Variants in HERC1 observed in about 807,000 individuals in gnomAD.
HERC1 encodes the protein probable E3 ubiquitin-protein ligase HERC1.
In HERC1, 160 loss-of-function variants were observed where a neutral mutation model predicts 554.3. The observed-to-expected ratio is 0.29, with a 90% CI of 0.25 to 0.33. The LOEUF is 0.33. HERC1 is among the 10% of genes least tolerant of loss of function. The pLI, the probability that HERC1 is intolerant of heterozygous loss-of-function variation, is 1.00. For missense variants in HERC1, 4,919 were observed against 5,918.5 expected, an observed-to-expected ratio of 0.83 and a Z score of 5.54; for synonymous variants, 2,175 against 2,131.7, an observed-to-expected ratio of 1.02 and a Z score of -0.56.
intron 70 of HERC1, among the ~76,000 whole-genome samples, chr15:63,626,985 T>C (rs553888585): frequency 6.6e-6 from 1 of 152,260 alleles, no homozygotes; most frequent in Admixed American, 6.5e-5. Context: ...ACTCAGATCA[T>C]ATGTGGAGGA....
At position 63,727,108 on chromosome 15, in the gene HERC1, T is replaced by C. The variant is rs1255804035; in HGVS notation, c.3346+539A>G. ...CTGGCCAACATGGTGAAACCCCGTCTCTACTAAAAATACAAAAATTAGCTG... is the reference window on the plus strand; with the variant it reads ...CTGGCCAACATGGTGAAACCCCGTCCCTACTAAAAATACAAAAATTAGCTG... On this transcript the variant is annotated intron_variant, in intron 17 of 77. Coordinates refer to ENST00000443617, the MANE Select transcript of HERC1 (RefSeq NM_003922.4). This position sits in a 1 kb window ranked among gnomAD's most constrained non-coding sequence, Gnocchi z 4.3. 6.6e-6 allele frequency among the ~76,000 whole-genome samples: 1 copy of C among 152,038 alleles called. No homozygotes were observed. The highest frequency in any genetic ancestry group is 1.9e-4 in the East Asian group (1 of 5,188).
intron 5 of HERC1, among the ~76,000 whole-genome samples, chr15:63,755,686 G>C (rs1466907516): frequency 6.6e-6 from 1 of 152,100 alleles, no homozygotes; most frequent in African/African-American, 2.4e-5. Flanking sequence ...AAGCTGAGTT[G>C]GGAGGACCAC....
At chr15:63,704,119 A>C (rs909309614) in intron 25 of HERC1, among the ~76,000 whole-genome samples, 1 of 146,382 alleles carries the variant, frequency 6.8e-6, no homozygotes, top group African/African-American at 2.4e-5. Context: ...GAAAAAAAAT[A>C]CAGTCATTTA....
chr15:63,706,117 T>C (rs1460352066), intron 25 of HERC1, among the ~76,000 whole-genome samples: 1 of 151,280 alleles, frequency 6.6e-6, no homozygotes, highest in Non-Finnish European at 1.5e-5. Flanking sequence ...GGATTTACAC[T>C]ATCTAAAACT....
intron 2 of HERC1, among the ~76,000 whole-genome samples, chr15:63,765,174 G>A (rs971304690): frequency 5.0e-4 from 76 of 152,080 alleles, no homozygotes; most frequent in African/African-American, 1.7e-3. Flanking sequence ...TATCTACTGA[G>A]CGCCAGAGAA....
chr15:63,812,568 T>C (rs1174295504), intron 1 of HERC1, among the ~76,000 whole-genome samples: 1 of 152,174 alleles, frequency 6.6e-6, no homozygotes, highest in Non-Finnish European at 1.5e-5. Context: ...AACTCCCTCC[T>C]GAGAATCTCT....
At chr15:63,799,910 G>A (rs1350621639) in intron 1 of HERC1, among the ~76,000 whole-genome samples, 1 of 152,148 alleles carries the variant, frequency 6.6e-6, no homozygotes, top group Admixed American at 6.5e-5. Context: ...GATCACTTGA[G>A]GCTAGGAGTT....
In HERC1 at chr15:63,609,867, T is replaced by C. The variant is rs539295867; in HGVS notation, c.14401-601A>G. ...GGTGATGCATCATTTAAAATGATAATTATGATGACTGGCAGCAAAACAGAA... is the reference window on the plus strand; with the variant it reads ...GGTGATGCATCATTTAAAATGATAACTATGATGACTGGCAGCAAAACAGAA... On this transcript the variant is annotated intron_variant, in intron 77 of 77. Transcript: ENST00000443617. Among the ~76,000 whole-genome samples, 96 of 152,236 alleles carry C rather than the reference T, an allele frequency of 6.3e-4. 2 individuals carry two copies. The highest frequency in any genetic ancestry group is 2.2e-3 in the African/African-American group (91 of 41,520).
Position 63,662,014 on chromosome 15 carries a change from C to G in HERC1, c.8909G>C (p.Cys2970Ser). 1 of 1,610,990 alleles carries G rather than the reference C, an allele frequency of 6.2e-7. No homozygotes were observed. Among genetic ancestry groups the G allele is most frequent in the Non-Finnish European group, 8.5e-7 (1 of 1,177,316 alleles). ...EVLDWPTWHV[C>S]ESEDREEVVV... ...CACTTCTTCCCTGTCTTCAGACTCACAAACATGCTGCACAAAAGGATTTCA... is the reference window on the plus strand; with the variant it reads ...CACTTCTTCCCTGTCTTCAGACTCAGAAACATGCTGCACAAAAGGATTTCA... The change falls in exon 45 of 78, where the codon TGT (cysteine) becomes TCT (serine). Residue 2970 changes from cysteine to serine, a missense_variant. Around this residue, in one of 11 missense-constraint regions of HERC1, gnomAD observed 1,963 missense variants for 2,228.6 expected, o/e 0.88. Coordinates refer to ENST00000443617, the MANE Select transcript of HERC1 (RefSeq NM_003922.4).
intron 19 of HERC1, among the ~76,000 whole-genome samples, chr15:63,719,122 A>C (rs2073696329): frequency 2.0e-5 from 3 of 152,214 alleles, no homozygotes; most frequent in Non-Finnish European, 4.4e-5. Flanking sequence ...TGTTAGGAGG[A>C]GCAGGGTGGG....
In HERC1 at chr15:63,749,981, A is replaced by G. The variant is rs1435991665; in HGVS notation, c.1903-190T>C. ...TGCTGCCTTTAGGCATTCACTGTATAGGCAGAAAAACAGCTGATCTGAAAA... is the reference window on the plus strand; with the variant it reads ...TGCTGCCTTTAGGCATTCACTGTATGGGCAGAAAAACAGCTGATCTGAAAA... On this transcript the variant is annotated intron_variant, in intron 8 of 77. Coordinates refer to ENST00000443617, the MANE Select transcript of HERC1 (RefSeq NM_003922.4). This position sits in a 1 kb window ranked among gnomAD's most constrained non-coding sequence, Gnocchi z 4.1. Among the ~76,000 whole-genome samples, 2 of 152,266 alleles carry G rather than the reference A, an allele frequency of 1.3e-5. No individual in the cohort carries two copies. Among genetic ancestry groups the G allele is most frequent in the African/African-American group, 4.8e-5 (2 of 41,476 alleles).
intron 25 of HERC1, among the ~76,000 whole-genome samples, chr15:63,703,045 G>C (rs1348375002): frequency 6.6e-6 from 1 of 151,242 alleles, no homozygotes; most frequent in African/African-American, 2.4e-5. Flanking sequence ...GTGAGGAGGA[G>C]GTTGCAGTAA....
intron 1 of HERC1, among the ~76,000 whole-genome samples, chr15:63,784,008 G>A (rs148649234): frequency 0.013 from 1,982 of 151,250 alleles, 23 homozygotes; most frequent in East Asian, 0.022. Context: ...AGAGGTTACA[G>A]TGAGCCAAGA....
At position 63,692,882 on chromosome 15, in the gene HERC1, C is replaced by A. The variant is rs997449427; in HGVS notation, c.5675-316G>T. 6.6e-6 allele frequency among the ~76,000 whole-genome samples: 1 copy of A among 152,120 alleles called. No individual in the cohort carries two copies. ...AAGTCGAGCTCCTCCTAATTATAAT[C>A]CAGTTCCCAAATATCAGGACAGGCG... is the stretch of plus-strand genomic sequence containing the variant. On this transcript the variant is annotated intron_variant, in intron 30 of 77. Transcript: ENST00000443617. This position sits in a 1 kb window ranked among gnomAD's most constrained non-coding sequence, Gnocchi z 4.7.
chr15:63,660,350 A>AATAC (rs200797365), intron 46 of HERC1, among the ~76,000 whole-genome samples: 4,279 of 152,092 alleles, frequency 0.028, 84 homozygotes, highest in African/African-American at 0.042. Context: ...TAAATAAATA[A>AATAC]ATACATACAT....
Position 63,758,821 on chromosome 15 carries a change from C to T in HERC1, c.1027-452G>A, listed in dbSNP as rs2075514251. On this transcript the variant is annotated intron_variant, in intron 3 of 77. Coordinates refer to ENST00000443617, the MANE Select transcript of HERC1 (RefSeq NM_003922.4). The surrounding 1 kb of genome is among the most constrained non-coding windows in gnomAD (Gnocchi z 4.0). ...AAGAGTCATGCAAATCCATGCCTAC[C>T]TAGTCTTCATGATTGAATAGATAAT... Among the ~76,000 whole-genome samples the T allele has an allele frequency of 6.6e-6, 1 of 152,076 alleles. No individual in the cohort carries two copies. Among genetic ancestry groups the T allele is most frequent in the Non-Finnish European group, 1.5e-5 (1 of 68,018 alleles).
Position 63,661,780 on chromosome 15 carries a change from G to T in HERC1, c.9143C>A (p.Thr3048Asn). The change falls in exon 45 of 78, where the codon ACC (threonine) becomes AAC (asparagine). Residue 3048 changes from threonine to asparagine, a missense_variant. Thr to Asn is a moderately conservative substitution (Grantham distance 65). Coordinates refer to ENST00000443617, the MANE Select transcript of HERC1 (RefSeq NM_003922.4). Reference protein sequence around the residue: ...TCREKYLAMKTKSKSTSSERY... With the variant: ...TCREKYLAMKNKSKSTSSERY... ...TTCAGAACTTGTTGACTTAGATTTGGTCTTCATGGCTAAGTACTTCTCCCT... is the reference window on the plus strand; with the variant it reads ...TTCAGAACTTGTTGACTTAGATTTGTTCTTCATGGCTAAGTACTTCTCCCT... The T allele has an allele frequency of 6.2e-7, 1 of 1,613,938 alleles. No homozygotes were observed. Among genetic ancestry groups the T allele is most frequent in the Non-Finnish European group, 8.5e-7 (1 of 1,179,864 alleles).
chr15:63,796,414 T>G (rs1411351910), intron 1 of HERC1, among the ~76,000 whole-genome samples: 2 of 152,240 alleles, frequency 1.3e-5, no homozygotes, highest in Non-Finnish European at 2.9e-5. Flanking sequence ...GAAACCATCT[T>G]TGCAAAATTA....
chr15:63,678,043 A>ATGG lies in HERC1; in HGVS notation c.6871_6872insCCA (p.Leu2291delinsProIle). 1 of 1,613,990 alleles carries ATGG rather than the reference A, an allele frequency of 6.2e-7. No homozygotes were observed. The highest frequency in any genetic ancestry group is 8.5e-7 in the Non-Finnish European group (1 of 1,179,894). Reference sequence around the variant, plus strand: ...AAGAGTCCTCAGCTGCAGCTCTGAGAGGTCAGCGAGGCCATGCCTAGTATG... The same window carrying ATGG: ...AAGAGTCCTCAGCTGCAGCTCTGAGATGGGGTCAGCGAGGCCATGCCTAGTATG... On this transcript the variant is annotated protein_altering_variant, in exon 37 of 78. Transcript: ENST00000443617.
Sources: gnomAD v4.1 joint callset for allele counts (sites outside exome capture counted in the v4.1 genomes callset) on GRCh38, gnomAD v4.1.1 for gene constraint, gnomAD v4.1.1 regional missense constraint, Gnocchi (gnomAD v3.1) non-coding constraint, MANE v1.5 for transcripts, NCBI Gene and HGNC (gene_info 2026-07-23, HGNC 2026-07-21) for gene names.